The following RARB variants were observed in gnomAD, a reference collection of about 807,000 sequenced individuals.
RARB encodes HBV-activated protein.
In RARB, 17 loss-of-function variants were observed where a neutral mutation model predicts 51.9. The ratio of observed to expected loss-of-function variants is 0.33; its 90% CI spans 0.22 to 0.49. The LOEUF (loss-of-function observed/expected upper bound fraction) is 0.49. Ranked by LOEUF, RARB falls within the 20% of genes least tolerant of loss-of-function variation. The pLI, the probability that RARB is intolerant of heterozygous loss-of-function variation, is 0.99. For synonymous variants in RARB, 215 were observed against 195.4 expected, an observed-to-expected ratio of 1.10 and a Z score of -0.84; for missense variants, 369 against 550.8, an observed-to-expected ratio of 0.67 and a Z score of 3.30.
chr3:25,354,916 A>G (rs1317626009), intron 5 of RARB, among the ~76,000 whole-genome samples: 1 of 150,768 alleles, frequency 6.6e-6, no homozygotes, highest in South Asian at 2.1e-4. Context: ...TCCATCCAGC[A>G]TAGCATAACA....
chr3:25,465,887 T>C (rs1404593403), intron 2 of RARB, among the ~76,000 whole-genome samples: 2 of 152,234 alleles, frequency 1.3e-5, no homozygotes, highest in Non-Finnish European at 1.5e-5. Flanking sequence ...TTATTGCTCA[T>C]AGCTAAAATT....
At chr3:25,345,823 AT>A (rs780623363) in intron 5 of RARB, 260 of 763,316 alleles carry the variant, frequency 3.4e-4, no homozygotes, top group Non-Finnish European at 4.0e-4. Context: ...GTATCAGTTA[AT>A]TTTTGCTACC....
intron 3 of RARB, among the ~76,000 whole-genome samples, chr3:25,522,445 C>T (rs1457780286): frequency 6.6e-6 from 1 of 152,142 alleles, no homozygotes; most frequent in African/African-American, 2.4e-5. Flanking sequence ...TGGCTTTTCA[C>T]CCTCAACATT....
intron 2 of RARB, among the ~76,000 whole-genome samples, chr3:24,868,934 T>C (rs1159963140): frequency 6.6e-6 from 1 of 152,146 alleles, no homozygotes; most frequent in Non-Finnish European, 1.5e-5. Flanking sequence ...CTAAAATGTA[T>C]ACAATTAAGC....
chr3:25,447,923 G>A (rs932323560), intron 1 of RARB, among the ~76,000 whole-genome samples: 1 of 152,126 alleles, frequency 6.6e-6, no homozygotes, highest in African/African-American at 2.4e-5. Context: ...ATAGCATTGA[G>A]ATTCATCAGC....
At position 25,240,363 on chromosome 3, in the gene RARB, T is replaced by C. The variant is rs532429444; in HGVS notation, c.178+65788T>C. 5.3e-5 allele frequency among the ~76,000 whole-genome samples: 8 copies of C among 152,316 alleles called. No homozygotes were observed. The East Asian group carries it at 5.8e-4, about 11-fold the overall frequency. On this transcript the variant is annotated intron_variant, in intron 5 of 11. Coordinates refer to the RARB transcript ENST00000383772. Reference sequence around the variant, plus strand: ...GCTGTGACTAGGACTTCCAGTACTATGTTGAATAGAAGTGGTGAAAGTATG... The same window carrying C: ...GCTGTGACTAGGACTTCCAGTACTACGTTGAATAGAAGTGGTGAAAGTATG...
chr3:25,590,852 T>G (rs1701585573), intron 5 of RARB, among the ~76,000 whole-genome samples: 1 of 152,216 alleles, frequency 6.6e-6, no homozygotes, highest in African/African-American at 2.4e-5. Context: ...TCCAGGTAGT[T>G]GAAGGAACAT....
At chr3:24,958,354 A>G (rs1392229764) in intron 2 of RARB, among the ~76,000 whole-genome samples, 1 of 135,604 alleles carries the variant, frequency 7.4e-6, no homozygotes, top group Non-Finnish European at 1.5e-5. Flanking sequence ...TTCTCCTTAT[A>G]TGCCCTCTAA....
At chr3:25,444,269 T>C (rs1415688986) in intron 1 of RARB, among the ~76,000 whole-genome samples, 1 of 152,194 alleles carries the variant, frequency 6.6e-6, no homozygotes, top group Non-Finnish European at 1.5e-5. Flanking sequence ...CAACTCAGCT[T>C]TGTATAATGT....
intron 2 of RARB, among the ~76,000 whole-genome samples, chr3:24,907,225 A>G (rs951488177): frequency 3.3e-5 from 5 of 152,180 alleles, no homozygotes; most frequent in African/African-American, 7.2e-5. Context: ...AAACTTTAGC[A>G]TCAGAATCAC....
chr3:25,260,059 G>T (rs1702959624), intron 5 of RARB: 13 of 932,224 alleles, frequency 1.4e-5, no homozygotes, highest in Non-Finnish European at 1.7e-5. Flanking sequence ...TTCGTGTGTG[G>T]CTGGTTTTCT....
At chr3:25,558,529 C>CTTTTT (rs55699410) in intron 3 of RARB, among the ~76,000 whole-genome samples, 2 of 129,552 alleles carry the variant, frequency 1.5e-5, no homozygotes, top group Non-Finnish European at 1.6e-5. Flanking sequence ...GTTCCTGGCC[C>CTTTTT]TTTTTTTTTT....
intron 5 of RARB, among the ~76,000 whole-genome samples, chr3:25,201,537 T>C (rs1701389388): frequency 6.6e-6 from 1 of 152,206 alleles, no homozygotes; most frequent in Non-Finnish European, 1.5e-5. Flanking sequence ...TTCCAGTTTT[T>C]GTCCATTCAG....
chr3:25,063,856 C>CAGA (rs1698604924), intron 3 of RARB, among the ~76,000 whole-genome samples: 2 of 151,936 alleles, frequency 1.3e-5, no homozygotes, highest in African/African-American at 4.8e-5. Flanking sequence ...CTAAGAGTCT[C>CAGA]AGAAGTTGTG....
At chr3:25,488,025 G>A (rs1284407233) in intron 2 of RARB, among the ~76,000 whole-genome samples, 1 of 152,198 alleles carries the variant, frequency 6.6e-6, no homozygotes, top group Non-Finnish European at 1.5e-5. Context: ...CAATCTGGAG[G>A]GATTTATTCA....
intron 2 of RARB, among the ~76,000 whole-genome samples, chr3:24,884,456 A>G (rs1050962999): frequency 6.6e-6 from 1 of 152,178 alleles, no homozygotes; most frequent in African/African-American, 2.4e-5. Context: ...TTTTCCAGAG[A>G]ACATCTCCAA....
chr3:25,425,424 T>C (rs1301212284), upstream of RARB, among the ~76,000 whole-genome samples: 2 of 152,214 alleles, frequency 1.3e-5, no homozygotes, highest in Non-Finnish European at 2.9e-5. Flanking sequence ...GTCTGTTTTA[T>C]AAATTAATAC....
chr3:25,474,495 G>A (rs1695855729), intron 2 of RARB, among the ~76,000 whole-genome samples: 2 of 152,058 alleles, frequency 1.3e-5, no homozygotes, highest in Admixed American at 1.3e-4. Flanking sequence ...GAGTCATCCT[G>A]CTCTGTTAGG....
At chr3:25,307,401 A>T (rs1311388298) in intron 5 of RARB, among the ~76,000 whole-genome samples, 1 of 151,458 alleles carries the variant, frequency 6.6e-6, no homozygotes, top group Non-Finnish European at 1.5e-5. Context: ...AAAAAAAAAA[A>T]TTGTAATATG....
Sources: allele counts gnomAD v4.1 joint callset (sites outside exome capture counted in the v4.1 genomes callset), GRCh38; gene constraint gnomAD v4.1.1; transcripts MANE v1.5; gene names NCBI Gene and HGNC (gene_info 2026-07-23, HGNC 2026-07-21).